Variants in THSD4 observed in about 807,000 individuals in gnomAD.
THSD4 encodes the protein thrombospondin type 1 domain containing 4, also known as thrombospondin type-1 domain-containing protein 4.
In THSD4, 69 loss-of-function variants were observed where a neutral mutation model predicts 119.0. The ratio of observed to expected loss-of-function variants is 0.58; its 90% confidence interval spans 0.48 to 0.71. The LOEUF (loss-of-function observed/expected upper bound fraction) is 0.71. THSD4 is among the 30% of genes least tolerant of loss of function. The probability of loss-of-function intolerance (pLI) is 0.00; values close to 1 mark genes in which losing one functional copy is unlikely to be tolerated. For synonymous variants in THSD4, 524 were observed against 540.4 expected, an observed-to-expected ratio of 0.97 and a Z score of 0.42; for missense variants, 1,393 against 1,391.1, an observed-to-expected ratio of 1.00 and a Z score of -0.02.
intron 7 of THSD4, among the ~76,000 whole-genome samples, chr15:71,605,074 G>A (rs1236613121): frequency 6.6e-6 from 1 of 151,764 alleles, no homozygotes; most frequent in Non-Finnish European, 1.5e-5. Flanking sequence ...TCCAGGTAGA[G>A]GAAATAACAA....
At chr15:71,634,958 CTGCCATTGTT>C (rs1267300048) in intron 7 of THSD4, among the ~76,000 whole-genome samples, 4 of 152,204 alleles carry the variant, frequency 2.6e-5, no homozygotes, top group South Asian at 2.1e-4. Flanking sequence ...CTGTGGTTTG[CTGCCATTGTT>C]TGCCATTGTT....
chr15:71,753,193 T>A (rs191259125), intron 14 of THSD4, among the ~76,000 whole-genome samples: 147 of 152,368 alleles, frequency 9.6e-4, no homozygotes, highest in African/African-American at 3.2e-3. Flanking sequence ...TCTGGCTTAA[T>A]GACTCACCTT....
chr15:71,459,013 T>G (rs2047377982), intron 7 of THSD4, among the ~76,000 whole-genome samples: 1 of 152,156 alleles, frequency 6.6e-6, no homozygotes, highest in Non-Finnish European at 1.5e-5. Context: ...TATGTTTTAT[T>G]TATAATTAAC....
chr15:71,264,967 C>CT (rs1361985630), intron 6 of THSD4, among the ~76,000 whole-genome samples: 4 of 151,888 alleles, frequency 2.6e-5, no homozygotes, highest in Admixed American at 6.6e-5. Context: ...AAGATGGGGA[C>CT]TCTAAGGAAC....
intron 8 of THSD4, among the ~76,000 whole-genome samples, chr15:71,716,212 G>A (rs1164581781): frequency 6.6e-6 from 1 of 152,104 alleles, no homozygotes; most frequent in Non-Finnish European, 1.5e-5. Flanking sequence ...GTGTGTCTGT[G>A]TCTGCCTGTC....
intron 4 of THSD4, among the ~76,000 whole-genome samples, chr15:71,223,892 G>T (rs1360579709): frequency 6.6e-6 from 1 of 152,084 alleles, no homozygotes; most frequent in Non-Finnish European, 1.5e-5. Context: ...GCTGGGAAAG[G>T]CTTGGTGTGG....
At chr15:71,161,373 T>C (rs1252104275) in intron 3 of THSD4, among the ~76,000 whole-genome samples, 2 of 152,110 alleles carry the variant, frequency 1.3e-5, no homozygotes, top group African/African-American at 2.4e-5. Context: ...ACTATTGTAT[T>C]GCAGTCTATC....
chr15:71,641,988 A>T (rs1408317491), intron 7 of THSD4, among the ~76,000 whole-genome samples: 1 of 152,220 alleles, frequency 6.6e-6, no homozygotes, highest in African/African-American at 2.4e-5. Context: ...GGAATATATT[A>T]GAAAGGAAGT....
At chr15:71,098,226 G>A (rs2040239951) in intron 1 of THSD4, among the ~76,000 whole-genome samples, 1 of 131,974 alleles carries the variant, frequency 7.6e-6, no homozygotes, top group African/African-American at 3.0e-5. Context: ...GGGGAGAGAA[G>A]GTCCCGCTCT....
chr15:71,423,832 C>T (rs2046837726), intron 7 of THSD4, among the ~76,000 whole-genome samples: 2 of 152,208 alleles, frequency 1.3e-5, no homozygotes, highest in Admixed American at 1.3e-4. Flanking sequence ...CCGTGGCAAG[C>T]CTTGCCATAA....
intron 7 of THSD4, among the ~76,000 whole-genome samples, chr15:71,580,611 C>A (rs962668148): frequency 6.6e-6 from 1 of 151,972 alleles, no homozygotes; most frequent in African/African-American, 2.4e-5. Flanking sequence ...AACTTTGTAC[C>A]CTTTGACTGA....
intron 7 of THSD4, among the ~76,000 whole-genome samples, chr15:71,480,132 G>T (rs543791543): frequency 5.9e-5 from 9 of 152,320 alleles, no homozygotes; most frequent in Non-Finnish European, 1.3e-4. Flanking sequence ...CGCTGCCTGG[G>T]CTCAAGCGAT....
chr15:71,765,790 C>CTGTGTGTGTGTGTG (rs59012463), intron 16 of THSD4, among the ~76,000 whole-genome samples: 1 of 146,222 alleles, frequency 6.8e-6, no homozygotes, highest in African/African-American at 2.5e-5. Flanking sequence ...CACACACTCT[C>CTGTGTGTGTGTGTG]TGTGTGTGTG....
intron 7 of THSD4, among the ~76,000 whole-genome samples, chr15:71,615,366 G>A (rs2050302840): frequency 6.6e-6 from 1 of 152,106 alleles, no homozygotes; most frequent in South Asian, 2.1e-4. Context: ...AAATTAATAA[G>A]ACAACAAGCA....
At chr15:71,364,641 C>G (rs1013963363) in intron 6 of THSD4, among the ~76,000 whole-genome samples, 2 of 152,208 alleles carry the variant, frequency 1.3e-5, no homozygotes, top group Non-Finnish European at 2.9e-5. Flanking sequence ...GGGTGAGTAG[C>G]TGTTTTGTAC....
At chr15:71,608,623 G>A (rs946451928) in intron 7 of THSD4, among the ~76,000 whole-genome samples, 1 of 152,040 alleles carries the variant, frequency 6.6e-6, no homozygotes, top group African/African-American at 2.4e-5. Context: ...TTTAGGATTG[G>A]TTTCCATTAT....
intron 8 of THSD4, among the ~76,000 whole-genome samples, chr15:71,661,458 C>T (rs990121162): frequency 4.0e-5 from 6 of 150,966 alleles, no homozygotes; most frequent in African/African-American, 7.3e-5. Flanking sequence ...TGCAGTGGTG[C>T]GATTTTTGCT....
rs1234099941 is a variant in THSD4, at chr15:71,120,248, C to G, written c.-80+4550C>G. On this transcript the variant is annotated intron_variant, in intron 1 of 17. Transcript: ENST00000261862. Reference sequence around the variant, plus strand: ...TCGCCCCACTCCCCTTCCCCAGCTTCCCTTTAGATTGCCCAAAGAAGAACC... The same window carrying G: ...TCGCCCCACTCCCCTTCCCCAGCTTGCCTTTAGATTGCCCAAAGAAGAACC... Among the ~76,000 whole-genome samples the G allele has an allele frequency of 2.6e-5, 4 of 152,310 alleles. No individual in the cohort carries two copies. In the South Asian group the frequency reaches 6.2e-4, roughly 24 times the overall value.
At chr15:71,185,198 G>A (rs1320309031) in intron 3 of THSD4, among the ~76,000 whole-genome samples, 1 of 151,742 alleles carries the variant, frequency 6.6e-6, no homozygotes, top group East Asian at 1.9e-4. Context: ...CTCCATCCCA[G>A]ATACAGGATT....
Sources: allele counts gnomAD v4.1 joint callset (sites outside exome capture counted in the v4.1 genomes callset), GRCh38; gene constraint gnomAD v4.1.1; transcripts MANE v1.5; gene names NCBI Gene and HGNC (gene_info 2026-07-23, HGNC 2026-07-21).